Variants in TADA2A observed in about 807,000 individuals in gnomAD.
TADA2A encodes transcriptional adaptor 2A.
TADA2A carries 38 observed loss-of-function variants against 67.4 expected under a neutral mutation model. The observed-to-expected ratio is 0.56, with a 90% CI of 0.44 to 0.74. The LOEUF (loss-of-function observed/expected upper bound fraction) is 0.74. TADA2A is among the 30% of genes least tolerant of loss of function. The probability of loss-of-function intolerance (pLI) is 0.00; values close to 1 mark genes in which losing one functional copy is unlikely to be tolerated. For missense variants in TADA2A, 454 were observed against 547.0 expected (o/e 0.83, Z 1.70); for synonymous variants, 192 against 181.6 (o/e 1.06, Z -0.46).
chr17:37,435,243 A>G (rs1189745732), intron 4 of TADA2A, among the ~76,000 whole-genome samples: 1 of 152,182 alleles, frequency 6.6e-6, no homozygotes. Context: ...AAAACTTTCA[A>G]TTTAAATACG....
At chr17:37,470,959 A>C (rs2053774309) in intron 13 of TADA2A, 135 bp from the exon 14 acceptor site, 1 of 837,830 alleles carries the variant, frequency 1.2e-6, no homozygotes, top group Non-Finnish European at 2.0e-6. Context: ...AGATATCTGT[A>C]AAACATAGTT....
chr17:37,465,544 A>G lies in TADA2A; in HGVS notation c.823+3A>G. On this transcript the variant is annotated splice_donor_region_variant and intron_variant, in intron 11 of 15. Coordinates refer to ENST00000615182, the MANE Select transcript of TADA2A (RefSeq NM_001166105.3). ...CAAATTCATTGAAAGCCATGCATGT[A>G]GGTGGTTTTTGAGCCTTGAGCAGTA... is the stretch of plus-strand genomic sequence containing the variant. The G allele has an allele frequency of 6.2e-7, 1 of 1,614,116 alleles. No homozygotes were observed. Among genetic ancestry groups the G allele is most frequent in the South Asian group, 1.1e-5 (1 of 91,076 alleles).
intron 2 of TADA2A, among the ~76,000 whole-genome samples, chr17:37,422,597 TC>T (rs893672383): frequency 2.5e-4 from 38 of 151,850 alleles, no homozygotes; most frequent in Admixed American, 2.0e-3. Flanking sequence ...ACCTTTGCCT[TC>T]CGGGTTCAAG....
intron 1 of TADA2A, among the ~76,000 whole-genome samples, chr17:37,410,516 TTGTAA>T (rs939321793): frequency 9.1e-4 from 139 of 152,160 alleles, no homozygotes; most frequent in African/African-American, 3.1e-3. Context: ...CAAATGTATG[TTGTAA>T]TAGATAGGAT....
At chr17:37,416,280 A>T (rs2052043380) in intron 2 of TADA2A, among the ~76,000 whole-genome samples, 1 of 151,684 alleles carries the variant, frequency 6.6e-6, no homozygotes, top group Non-Finnish European at 1.5e-5. Context: ...TGCCATGCCC[A>T]GCTAATTTTT....
chr17:37,477,782 G>C lies in TADA2A; in HGVS notation c.*800G>C, dbSNP rs2148058451. ...CCCGGCCTAAGCTGACAACTTTTAT[G>C]AGTAAAGGGGAAGAAAATATCCTTA... On this transcript the variant is annotated 3_prime_UTR_variant, in exon 16 of 16. Coordinates refer to ENST00000615182, the MANE Select transcript of TADA2A (RefSeq NM_001166105.3). 6.6e-6 allele frequency: 1 copy of C among 152,034 alleles called. No individual in the cohort carries two copies. The highest frequency in any genetic ancestry group is 2.0e-4 in the East Asian group (1 of 5,110). 9.4% of individuals were successfully genotyped at this position (152,034 alleles called of 1,614,324 possible). A position where few individuals can be genotyped will look rare whatever the true frequency, so the allele number is the denominator to read the frequency against.
intron 14 of TADA2A, among the ~76,000 whole-genome samples, chr17:37,471,664 C>T (rs539060375): frequency 3.8e-4 from 58 of 152,058 alleles, no homozygotes; most frequent in African/African-American, 1.1e-3. Flanking sequence ...TGCACCACCA[C>T]GCCTGGCTAA....
At chr17:37,467,055 G>A (rs2053679406) in intron 11 of TADA2A, among the ~76,000 whole-genome samples, 1 of 152,098 alleles carries the variant, frequency 6.6e-6, no homozygotes, top group South Asian at 2.1e-4. Context: ...TACTCAGGAC[G>A]CTGAGGCAGG....
At chr17:37,421,152 T>C (rs1044756236) in intron 2 of TADA2A, among the ~76,000 whole-genome samples, 1 of 146,562 alleles carries the variant, frequency 6.8e-6, no homozygotes, top group South Asian at 2.2e-4. Context: ...TCCACCACTT[T>C]GGGAAGCTGA....
At chr17:37,455,464 C>T (rs1378614646) in intron 8 of TADA2A, among the ~76,000 whole-genome samples, 1 of 152,034 alleles carries the variant, frequency 6.6e-6, no homozygotes, top group Non-Finnish European at 1.5e-5. Flanking sequence ...TCACTGCAAG[C>T]TCTGCCTCCC....
chr17:37,410,192 C>CA (rs987675673), intron 1 of TADA2A, among the ~76,000 whole-genome samples: 158 of 144,560 alleles, frequency 1.1e-3, no homozygotes, highest in African/African-American at 3.6e-3. Flanking sequence ...ACTGTGTCTC[C>CA]AAAAAAAAAA....
intron 2 of TADA2A, among the ~76,000 whole-genome samples, chr17:37,414,484 C>A (rs555767723): frequency 6.6e-6 from 1 of 152,244 alleles, no homozygotes; most frequent in Admixed American, 6.5e-5. Flanking sequence ...ACAAGGGAGT[C>A]ATATCAGAGA....
At chr17:37,438,859 A>G (rs1283356065) in intron 5 of TADA2A, among the ~76,000 whole-genome samples, 2 of 152,226 alleles carry the variant, frequency 1.3e-5, no homozygotes. Context: ...CATAAAAAAG[A>G]CATAGCTTCT....
chr17:37,466,941 G>C (rs964288922), intron 11 of TADA2A, among the ~76,000 whole-genome samples: 5 of 152,160 alleles, frequency 3.3e-5, no homozygotes, highest in Admixed American at 6.5e-5. Flanking sequence ...TGGATCACCT[G>C]AGGTCAGGAA....
At chr17:37,457,637 C>T (rs1401404164) in intron 8 of TADA2A, among the ~76,000 whole-genome samples, 3 of 151,476 alleles carry the variant, frequency 2.0e-5, no homozygotes, top group Non-Finnish European at 2.9e-5. Context: ...GCTGGGATTA[C>T]AGGTAACTGC....
chr17:37,424,386 G>A (rs1025012325), intron 3 of TADA2A, among the ~76,000 whole-genome samples: 1 of 150,788 alleles, frequency 6.6e-6, no homozygotes, highest in Non-Finnish European at 1.5e-5. Context: ...ACGAAGTCTC[G>A]CTGTGTCACC....
At chr17:37,465,787 A>G (rs1331853126) in intron 11 of TADA2A, 1 of 592,206 alleles carries the variant, frequency 1.7e-6, no homozygotes, top group African/African-American at 1.9e-5. Flanking sequence ...CCTACTTTGT[A>G]TCATGGGAAC....
At chr17:37,442,737 A>G in intron 7 of TADA2A, 85 bp downstream of exon 7, 3 of 1,290,382 alleles carry the variant, frequency 2.3e-6, no homozygotes, top group Non-Finnish European at 3.3e-6. Flanking sequence ...TAGATTCCAT[A>G]CCACTAAAAG....
chr17:37,476,608 G>A (rs530693548), intron 15 of TADA2A, among the ~76,000 whole-genome samples, 189 bp from the exon 16 acceptor site: 1 of 152,254 alleles, frequency 6.6e-6, no homozygotes, highest in African/African-American at 2.4e-5. Flanking sequence ...TTCTCTTCCT[G>A]GGTGTGTGTC....
Sources: gnomAD v4.1 joint callset for allele counts (sites outside exome capture counted in the v4.1 genomes callset) on GRCh38, gnomAD v4.1.1 for gene constraint, MANE v1.5 for transcripts, NCBI Gene and HGNC (gene_info 2026-07-23, HGNC 2026-07-21) for gene names.